PATL2: variants seen among roughly 807,000 people sequenced by gnomAD.
PATL2 encodes protein PAT1 homolog 2.
In PATL2, 73 loss-of-function variants were observed where a neutral mutation model predicts 77.0. The ratio of observed to expected loss-of-function variants is 0.95; its 90% CI spans 0.78 to 1.15. The LOEUF is 1.15. PATL2 is among the 50% of genes most tolerant of loss of function. PATL2 has a pLI of 0.00. For synonymous variants in PATL2, 265 were observed against 257.1 expected, an observed-to-expected ratio of 1.03 and a Z score of -0.29; for missense variants, 618 against 655.4, an observed-to-expected ratio of 0.94 and a Z score of 0.62.
intron 3 of PATL2, among the ~76,000 whole-genome samples, chr15:44,705,183 T>TC: frequency 6.6e-6 from 1 of 152,070 alleles, no homozygotes; most frequent in East Asian, 1.9e-4. Context: ...GGCCAATAAC[T>TC]CTTTTTTTTT....
chr15:44,702,181 T>C (rs997175233), intron 3 of PATL2, among the ~76,000 whole-genome samples: 6 of 152,128 alleles, frequency 3.9e-5, no homozygotes, highest in Non-Finnish European at 7.3e-5. Context: ...TATTGGTCTG[T>C]TCTGGTTTTG....
intron 3 of PATL2, among the ~76,000 whole-genome samples, chr15:44,706,786 G>C (rs1390288900): frequency 6.6e-6 from 1 of 152,168 alleles, no homozygotes; most frequent in Non-Finnish European, 1.5e-5. Flanking sequence ...AGGCCCTATG[G>C]CTCTAAAATC....
chr15:44,671,688 A>G (rs777816505), intron 9 of PATL2, among the ~76,000 whole-genome samples: 8 of 152,214 alleles, frequency 5.3e-5, no homozygotes, highest in Non-Finnish European at 1.2e-4. Flanking sequence ...AAAGTAGATG[A>G]ATATAACAAG....
At chr15:44,675,897 C>A in intron 4 of PATL2, 1 of 553,116 alleles carries the variant, frequency 1.8e-6, no homozygotes, top group South Asian at 2.5e-5. Flanking sequence ...CAAATGGAAC[C>A]TGAGCCAGGT....
intron 3 of PATL2, among the ~76,000 whole-genome samples, chr15:44,708,746 A>T (rs1341328736): frequency 1.3e-5 from 2 of 152,232 alleles, no homozygotes; most frequent in Admixed American, 6.5e-5. Flanking sequence ...CAGCTATCAC[A>T]AATAAAACTG....
chr15:44,688,257 A>G (rs1453991804), intron 3 of PATL2, among the ~76,000 whole-genome samples: 4 of 150,438 alleles, frequency 2.7e-5, no homozygotes, highest in Non-Finnish European at 5.9e-5. Flanking sequence ...AAAAAAAAAA[A>G]AAAAACTAGC....
intron 3 of PATL2, among the ~76,000 whole-genome samples, chr15:44,679,012 G>A (rs955739650): frequency 3.3e-5 from 5 of 152,064 alleles, no homozygotes; most frequent in Non-Finnish European, 5.9e-5. Flanking sequence ...CATAGTATAA[G>A]TGTATTTAAA....
At chr15:44,676,696 C>T (rs1330936557) in intron 3 of PATL2, 131 bp from the exon 4 acceptor site, 6 of 1,186,954 alleles carry the variant, frequency 5.1e-6, no homozygotes, top group Middle Eastern at 3.0e-4. Flanking sequence ...GGAGAGAGAC[C>T]CTGGGGTCTC....
chr15:44,667,342 G>C, intron 15 of PATL2, 139 bp from the exon 16 acceptor site: 1 of 654,612 alleles, frequency 1.5e-6, no homozygotes, highest in Non-Finnish European at 2.7e-6. Flanking sequence ...GTGCTGTCAG[G>C]TTTTACACTG....
Position 44,675,664 on chromosome 15 carries a change from G to A in PATL2, c.44C>T (p.Ala15Val). 1 of 1,551,072 alleles carries A rather than the reference G, an allele frequency of 6.4e-7. No individual in the cohort carries two copies. The highest frequency in any genetic ancestry group is 1.2e-5 in the South Asian group (1 of 83,982). The stretch of plus-strand genomic sequence containing the variant: ...GGCAGACACCAGCTCCTCCTCAGAA[G>A]CCAAGGGGCCACAGGTCTTACCTGG... ...EGPGKTCGPL[A>V]SEEELVSACQ... The change falls in exon 5 of 18, where the codon GCT becomes GTT. Residue 15 changes from alanine (A) to valine (V), a missense_variant. Coordinates refer to ENST00000682850, the MANE Select transcript of PATL2 (RefSeq NM_001387263.1).
At position 44,699,022 on chromosome 15, in the gene PATL2, C is replaced by T. The variant is rs558429970; in HGVS notation, c.-76+11074G>A. On this transcript the variant is annotated intron_variant, in intron 3 of 17. Transcript: ENST00000682850. ...GATGGTGAGCACCTTCTCAGATACC[C>T]GTTTGCCATTTGTATGTCTTCTTTT... Among the ~76,000 whole-genome samples, 11 of 152,240 alleles carry T rather than the reference C, an allele frequency of 7.2e-5. No homozygotes were observed. The South Asian group carries it at 1.2e-3, about 17-fold the overall frequency.
chr15:44,709,331 A>G lies in PATL2; in HGVS notation c.-76+765T>C, dbSNP rs1293240759. Among the ~76,000 whole-genome samples, 8 of 152,210 alleles carry G rather than the reference A, an allele frequency of 5.3e-5. No individual in the cohort carries two copies. In the South Asian group the frequency reaches 1.2e-3, roughly 24 times the overall value. On this transcript the variant is annotated intron_variant, in intron 3 of 17. Transcript: ENST00000682850. ...AAATTTTAAGAGGGTTATATAGGGGAAAAAAAGGCCGCTATTAATCTGTTA... is the reference window on the plus strand; with the variant it reads ...AAATTTTAAGAGGGTTATATAGGGGGAAAAAAGGCCGCTATTAATCTGTTA...
chr15:44,675,937 C>G (rs2085934093), intron 4 of PATL2: 2 of 479,546 alleles, frequency 4.2e-6, no homozygotes, highest in East Asian at 7.0e-5. Flanking sequence ...GTCCCAGTTA[C>G]TTGGGAGGCC....
chr15:44,672,948 C>A (rs963417737), intron 7 of PATL2, among the ~76,000 whole-genome samples: 1 of 152,052 alleles, frequency 6.6e-6, no homozygotes, highest in Non-Finnish European at 1.5e-5. Flanking sequence ...TTAGTGGAGA[C>A]ACAGTTTCAC....
chr15:44,666,664 G>T, intron 16 of PATL2, 123 bp from the exon 17 acceptor site: 1 of 1,022,930 alleles, frequency 9.8e-7, no homozygotes, highest in Admixed American at 3.1e-5. Flanking sequence ...TAGCAATTCA[G>T]AGGTAACATT....
At chr15:44,671,655 C>G (rs1052854184) in intron 9 of PATL2, among the ~76,000 whole-genome samples, 1 of 152,130 alleles carries the variant, frequency 6.6e-6, no homozygotes, top group Non-Finnish European at 1.5e-5. Context: ...TATAACATCC[C>G]TGTGCTTTAG....
In PATL2 at chr15:44,690,488, G is replaced by A. The variant is rs575074399; in HGVS notation, c.-75-13923C>T. On this transcript the variant is annotated intron_variant, in intron 3 of 17. Coordinates refer to ENST00000682850, the MANE Select transcript of PATL2 (RefSeq NM_001387263.1). Reference sequence around the variant, plus strand: ...TGAGTAGCTGGGACCACAGGCACACGCAACCATGCCTGGCTTTTTTTTTTT... The same window carrying A: ...TGAGTAGCTGGGACCACAGGCACACACAACCATGCCTGGCTTTTTTTTTTT... 1.9e-4 allele frequency among the ~76,000 whole-genome samples: 29 copies of A among 149,728 alleles called. No homozygotes were observed. The East Asian group carries it at 2.4e-3, about 12-fold the overall frequency.
intron 3 of PATL2, among the ~76,000 whole-genome samples, chr15:44,696,481 A>AT (rs536908890): frequency 4.6e-5 from 7 of 151,946 alleles, no homozygotes; most frequent in Admixed American, 1.3e-4. Flanking sequence ...GTACTACTTG[A>AT]TTTTTTTTAC....
At chr15:44,671,836 T>C (rs1465047598) in intron 9 of PATL2, among the ~76,000 whole-genome samples, 179 bp downstream of exon 9, 1 of 152,088 alleles carries the variant, frequency 6.6e-6, no homozygotes, top group Non-Finnish European at 1.5e-5. Flanking sequence ...TGTAGGAAGA[T>C]AGAGAGAAAT....
Sources: gnomAD v4.1 joint callset for allele counts (sites outside exome capture counted in the v4.1 genomes callset) on GRCh38, gnomAD v4.1.1 for gene constraint, MANE v1.5 for transcripts, NCBI Gene and HGNC (gene_info 2026-07-23, HGNC 2026-07-21) for gene names.